Variants in HTRA3 observed in about 807,000 individuals in gnomAD.
HTRA3 encodes serine protease HTRA3.
A neutral mutation model predicts 43.2 loss-of-function variants in HTRA3; 41 were observed. The ratio of observed to expected loss-of-function variants is 0.95; its 90% CI spans 0.74 to 1.23. The LOEUF is 1.23. Among genes scored for constraint, HTRA3 ranks in the 50% most tolerant of loss-of-function variants. The pLI, the probability that HTRA3 is intolerant of heterozygous loss-of-function variation, is 0.00. For synonymous variants in HTRA3, 295 were observed against 287.9 expected (o/e 1.02, Z -0.25); for missense variants, 628 against 647.1 (o/e 0.97, Z 0.32).
chr4:8,283,749 C>T (rs1560136505), intron 2 of HTRA3, among the ~76,000 whole-genome samples: 1 of 152,242 alleles, frequency 6.6e-6, no homozygotes, highest in Non-Finnish European at 1.5e-5. Context: ...CAGGCCAGGG[C>T]TCCAGGGACT....
chr4:8,283,200 A>G (rs367767879), intron 2 of HTRA3, among the ~76,000 whole-genome samples: 3 of 152,192 alleles, frequency 2.0e-5, no homozygotes, highest in African/African-American at 4.8e-5. Flanking sequence ...TGAGTGTCCA[A>G]TGGATGAGTA....
intron 5 of HTRA3, among the ~76,000 whole-genome samples, chr4:8,292,712 C>A (rs561140516): frequency 1.3e-5 from 2 of 152,210 alleles, no homozygotes; most frequent in African/African-American, 4.8e-5. Context: ...TTCTCCCCTT[C>A]CCAGTTGTGT....
rs35628356 is a variant in HTRA3 at position 8,298,519 on chromosome 4, G to GTT, written c.1052-3934_1052-3933dup. ...AGTTTTGTAAATTTTGATGAAGTCT[G>GTT]TTTTTTTTTTTAATTTGTCATGCGT... On this transcript the variant is annotated intron_variant, in intron 6 of 8. Transcript: ENST00000307358. Among the ~76,000 whole-genome samples, 416 of 148,904 alleles carry GTT rather than the reference G, an allele frequency of 2.8e-3. 4 individuals are homozygous for GTT. Among genetic ancestry groups the GTT allele is most frequent in the African/African-American group, 7.5e-3 (305 of 40,586 alleles).
intron 6 of HTRA3, among the ~76,000 whole-genome samples, chr4:8,301,501 ACT>A (rs754598545): frequency 1.4e-4 from 22 of 151,968 alleles, no homozygotes; most frequent in East Asian, 5.8e-4. Context: ...ATTGATTCAC[ACT>A]CTCAGCTTTA....
intron 1 of HTRA3, among the ~76,000 whole-genome samples, chr4:8,278,406 A>T (rs1427075982): frequency 6.9e-6 from 1 of 144,626 alleles, no homozygotes. Flanking sequence ...AAAAAAAAAA[A>T]GGCTAACGGC....
intron 6 of HTRA3, among the ~76,000 whole-genome samples, chr4:8,298,373 T>C (rs1158827745): frequency 2.0e-5 from 3 of 152,246 alleles, no homozygotes; most frequent in Non-Finnish European, 4.4e-5. Context: ...ACTAGTAGGT[T>C]GTGAGAGTTC....
chr4:8,271,761 TAAG>T (rs1187372084), intron 1 of HTRA3, among the ~76,000 whole-genome samples: 1 of 152,152 alleles, frequency 6.6e-6, no homozygotes, highest in Non-Finnish European at 1.5e-5. Context: ...GCCTCTCTCA[TAAG>T]GAGCTTCTGC....
rs1183099930 is a variant in HTRA3, at chr4:8,291,499, G to C, written c.838G>C (p.Glu280Gln). Residue 280 changes from glutamate to glutamine, a missense_variant, in exon 4 of 9, where the codon GAG becomes CAG. Glu to Gln is a conservative substitution (Grantham distance 29). Coordinates refer to ENST00000307358, the MANE Select transcript of HTRA3 (RefSeq NM_053044.5). ...TTGIVSTAQR[E>Q]GRELGLRDSD... Reference sequence around the variant, plus strand: ...GGGCATCGTCAGCACTGCCCAGCGGGAGGGCAGGGAGCTGGGCCTCCGGGA... The same window carrying C: ...GGGCATCGTCAGCACTGCCCAGCGGCAGGGCAGGGAGCTGGGCCTCCGGGA... 4 of 1,612,598 alleles carry C rather than the reference G, an allele frequency of 2.5e-6. No homozygotes were observed. The highest frequency in any genetic ancestry group is 1.7e-5 in the Admixed American group (1 of 59,980).
intron 6 of HTRA3, among the ~76,000 whole-genome samples, chr4:8,298,054 C>G (rs534625030): frequency 1.3e-5 from 2 of 152,336 alleles, no homozygotes; most frequent in South Asian, 2.1e-4. Context: ...GCTCCGCCTC[C>G]ACCTCCACCT....
At chr4:8,299,879 G>A (rs1333721955) in intron 6 of HTRA3, among the ~76,000 whole-genome samples, 8 of 141,388 alleles carry the variant, frequency 5.7e-5, no homozygotes, top group African/African-American at 1.1e-4. Flanking sequence ...TCACTCTGTC[G>A]CCCAGGCTGG....
chr4:8,301,821 G>A (rs950427157), intron 6 of HTRA3, among the ~76,000 whole-genome samples: 2 of 152,104 alleles, frequency 1.3e-5, no homozygotes, highest in African/African-American at 2.4e-5. Flanking sequence ...AAGAATTTGG[G>A]AATTTTCTGG....
rs112261447 is a variant in HTRA3 at position 8,294,255 on chromosome 4, C to A, written c.1051+54C>A. The A allele has an allele frequency of 1.0e-4, 137 of 1,336,930 alleles. 2 individuals are homozygous for A. In the African/African-American group the frequency reaches 1.6e-3, roughly 16 times the overall value. 82.8% of individuals were successfully genotyped at this position (1,336,930 alleles called of 1,614,324 possible). A position where few individuals can be genotyped will look rare whatever the true frequency, so the allele number is the denominator to read the frequency against. ...GGCAGGGGGCACTCTCCCAGGGCTA[C>A]AGCCCCTTAACACCCCAGCCCTGGG... On this transcript the variant is annotated intron_variant, in intron 6 of 8. Transcript: ENST00000307358.
intron 8 of HTRA3, among the ~76,000 whole-genome samples, chr4:8,304,709 G>A (rs1413574175): frequency 7.8e-6 from 1 of 128,484 alleles, no homozygotes; most frequent in Non-Finnish European, 1.6e-5. Flanking sequence ...AGCCTGGAGT[G>A]CAGTGTCGCG....
intron 6 of HTRA3, among the ~76,000 whole-genome samples, chr4:8,302,184 G>A (rs1370616731): frequency 6.6e-6 from 1 of 152,202 alleles, no homozygotes; most frequent in Non-Finnish European, 1.5e-5. Flanking sequence ...AGCTGGGAGA[G>A]CAGATGTCGG....
intron 8 of HTRA3, among the ~76,000 whole-genome samples, chr4:8,305,610 C>T (rs996211642): frequency 8.5e-5 from 13 of 152,220 alleles, no homozygotes; most frequent in Admixed American, 1.3e-4. Flanking sequence ...ACTGCAGTAA[C>T]AGCAGAACCT....
At chr4:8,303,172 C>G (rs75073368) in intron 7 of HTRA3, among the ~76,000 whole-genome samples, 1 of 152,194 alleles carries the variant, frequency 6.6e-6, no homozygotes, top group Non-Finnish European at 1.5e-5. Flanking sequence ...TCTGCATTCC[C>G]AGGACACTCA....
At chr4:8,305,833 G>A in intron 8 of HTRA3, 138 bp from the exon 9 acceptor site, 1 of 870,076 alleles carries the variant, frequency 1.1e-6, no homozygotes, top group Admixed American at 2.1e-5. Context: ...TTTGGGGCTG[G>A]GGCACTGTTC....
chr4:8,289,710 A>G (rs764115522), intron 3 of HTRA3, among the ~76,000 whole-genome samples: 1 of 152,162 alleles, frequency 6.6e-6, no homozygotes, highest in Non-Finnish European at 1.5e-5. Flanking sequence ...GAGCCATGGG[A>G]AAGGCTCCTG....
chr4:8,272,791 C>G (rs1304639282), intron 1 of HTRA3, among the ~76,000 whole-genome samples: 1 of 152,228 alleles, frequency 6.6e-6, no homozygotes, highest in Admixed American at 6.5e-5. Context: ...CTGTCGCCAC[C>G]AGAGCCCACG....
Sources: gnomAD v4.1 joint callset for allele counts (sites outside exome capture counted in the v4.1 genomes callset) on GRCh38, gnomAD v4.1.1 for gene constraint, MANE v1.5 for transcripts, NCBI Gene and HGNC (gene_info 2026-07-23, HGNC 2026-07-21) for gene names.